Variants in SUMF1 observed in about 807,000 individuals in gnomAD.
SUMF1 encodes sulfatase modifying factor 1.
In SUMF1, 48 loss-of-function variants were observed where a neutral mutation model predicts 47.6. The ratio of observed to expected loss-of-function variants is 1.01; its 90% CI spans 0.80 to 1.28. The LOEUF (loss-of-function observed/expected upper bound fraction) is 1.28. Ranked by LOEUF, SUMF1 falls within the 50% of genes most tolerant of loss-of-function variation. The pLI is 0.00. For missense variants in SUMF1, 571 were observed against 485.4 expected, an observed-to-expected ratio of 1.18 and a Z score of -1.66; for synonymous variants, 230 against 192.1, an observed-to-expected ratio of 1.20 and a Z score of -1.63.
intron 7 of SUMF1, among the ~76,000 whole-genome samples, chr3:4,386,603 T>C (rs934865696): frequency 6.6e-6 from 1 of 152,064 alleles, no homozygotes; most frequent in Non-Finnish European, 1.5e-5. Flanking sequence ...TTCCATTTCT[T>C]ACCTTATTCT....
chr3:4,453,158 C>G lies in SUMF1; in HGVS notation c.271-109G>C, dbSNP rs2125134509. 3.6e-6 allele frequency: 4 copies of G among 1,125,824 alleles called. No individual in the cohort carries two copies. The East Asian group carries it at 1.0e-4, about 29-fold the overall frequency. 69.7% of individuals were successfully genotyped at this position (1,125,824 alleles called of 1,614,324 possible). ...AGCACGCAAGTTTGTAAATCTTCAC[C>G]ACAGTAATAACTGTAAAATTCGGAA... On this transcript the variant is annotated intron_variant, in intron 1 of 8. Coordinates refer to ENST00000272902, the MANE Select transcript of SUMF1 (RefSeq NM_182760.4).
intron 8 of SUMF1, among the ~76,000 whole-genome samples, chr3:4,363,824 A>G (rs1047827877): frequency 4.5e-5 from 6 of 133,018 alleles, no homozygotes; most frequent in African/African-American, 1.7e-4. Context: ...GAATGCTTCC[A>G]GTTTTTGCCC....
intron 8 of SUMF1, among the ~76,000 whole-genome samples, chr3:4,234,808 A>G (rs17040293): frequency 0.023 from 3,577 of 152,266 alleles, 58 homozygotes; most frequent in African/African-American, 0.035. Flanking sequence ...AAAAGCCTAC[A>G]TGACATTCCA....
chr3:4,061,181 T>C (rs764901553), intron 9 of SUMF1, among the ~76,000 whole-genome samples: 2 of 152,174 alleles, frequency 1.3e-5, no homozygotes, highest in African/African-American at 4.8e-5. Flanking sequence ...ACCAGACCAA[T>C]TGTCCCATAG....
rs115010234 is a variant in SUMF1, at chr3:4,344,422, T to C, written c.1014+31908A>G. On this transcript the variant is annotated intron_variant and NMD_transcript_variant, in intron 8 of 12. Transcript: ENST00000448413. Reference sequence around the variant, plus strand: ...AGGCCTGAAATGAACCCCCACCAAATTGCAGCATCCCTACAGAAGAGGGAC... The same window carrying C: ...AGGCCTGAAATGAACCCCCACCAAACTGCAGCATCCCTACAGAAGAGGGAC... Among the ~76,000 whole-genome samples, 736 of 152,102 alleles carry C rather than the reference T, an allele frequency of 4.8e-3. 7 individuals are homozygous for C. The highest frequency in any genetic ancestry group is 0.017 in the African/African-American group (709 of 41,504).
At chr3:4,420,427 G>A (rs1395585728) in intron 3 of SUMF1, among the ~76,000 whole-genome samples, 2 of 134,534 alleles carry the variant, frequency 1.5e-5, no homozygotes, top group Non-Finnish European at 3.1e-5. Flanking sequence ...ATGGAGTCTC[G>A]CTCTGTCGCC....
chr3:4,260,844 A>G (rs757510211), intron 8 of SUMF1, among the ~76,000 whole-genome samples: 1 of 152,164 alleles, frequency 6.6e-6, no homozygotes, highest in African/African-American at 2.4e-5. Flanking sequence ...TAATCCCCAG[A>G]TGGAAGAAGG....
intron 8 of SUMF1, among the ~76,000 whole-genome samples, chr3:4,141,715 T>G (rs890183918): frequency 6.6e-6 from 1 of 152,104 alleles, no homozygotes; most frequent in African/African-American, 2.4e-5. Flanking sequence ...GCTATTGCAC[T>G]TTTATGGCAC....
chr3:4,308,660 G>A (rs1021127100), intron 8 of SUMF1, among the ~76,000 whole-genome samples: 1 of 152,198 alleles, frequency 6.6e-6, no homozygotes, highest in African/African-American at 2.4e-5. Flanking sequence ...TGTGGTTTGT[G>A]TCTCCTTTAG....
intron 8 of SUMF1, among the ~76,000 whole-genome samples, chr3:4,299,115 G>C (rs1323011017): frequency 6.6e-6 from 1 of 152,186 alleles, no homozygotes; most frequent in East Asian, 1.9e-4. Context: ...AGGAAGGATA[G>C]GTACACAACT....
chr3:4,110,680 C>A (rs1202045408), intron 8 of SUMF1, among the ~76,000 whole-genome samples: 1 of 151,878 alleles, frequency 6.6e-6, no homozygotes, highest in African/African-American at 2.4e-5. Flanking sequence ...AGGATGAGTT[C>A]ATGTCCTTTG....
At chr3:4,259,265 A>T (rs1459489635) in intron 8 of SUMF1, among the ~76,000 whole-genome samples, 1 of 152,110 alleles carries the variant, frequency 6.6e-6, no homozygotes, top group Non-Finnish European at 1.5e-5. Flanking sequence ...AAGTATAATA[A>T]AAATAAATAA....
chr3:4,281,726 T>C (rs1421921426), intron 8 of SUMF1, among the ~76,000 whole-genome samples: 1 of 152,126 alleles, frequency 6.6e-6, no homozygotes. Flanking sequence ...TATATGTATT[T>C]ACATGAAACA....
At position 4,410,863 on chromosome 3, in the gene SUMF1, A is replaced by T; in HGVS notation, c.954+2T>A. ...GACACATGCTCTGTGAATAATACTC[A>T]CTGGGTTAAGCGTTTCTTCAACAGA... On this transcript the variant is annotated splice_donor_variant, in intron 7 of 8. Transcript: ENST00000272902. LOFTEE classifies it high-confidence loss of function. The T allele has an allele frequency of 6.2e-7, 1 of 1,613,288 alleles. No individual in the cohort carries two copies. The highest frequency in any genetic ancestry group is 8.5e-7 in the Non-Finnish European group (1 of 1,179,248).
At chr3:4,166,774 C>T (rs750214148) in intron 8 of SUMF1, among the ~76,000 whole-genome samples, 4 of 151,982 alleles carry the variant, frequency 2.6e-5, no homozygotes, top group Admixed American at 1.3e-4. Flanking sequence ...TTTCGGGACC[C>T]GAGAGCTGAA....
At chr3:4,284,566 C>T (rs1242723777) in intron 8 of SUMF1, among the ~76,000 whole-genome samples, 1 of 151,530 alleles carries the variant, frequency 6.6e-6, no homozygotes, top group Non-Finnish European at 1.5e-5. Context: ...GTCTGCATTT[C>T]CCACATGTGA....
At chr3:4,262,672 T>C (rs1382169468) in intron 8 of SUMF1, among the ~76,000 whole-genome samples, 1 of 152,094 alleles carries the variant, frequency 6.6e-6, no homozygotes, top group Non-Finnish European at 1.5e-5. Flanking sequence ...CATGCCTCTT[T>C]CCCAAAAGTT....
rs147257717 is a variant in SUMF1, at chr3:4,066,152, C to G, written c.1191+2417G>C. Among the ~76,000 whole-genome samples the G allele has an allele frequency of 2.6e-5, 4 of 151,994 alleles. No homozygotes were observed. In the East Asian group the frequency reaches 7.7e-4, roughly 29 times the overall value. Reference sequence around the variant, plus strand: ...CATTCAGCACAGTCCATCCCTCCCCCAGCAACACTCCCCCAGGAACCCTCC... The same window carrying G: ...CATTCAGCACAGTCCATCCCTCCCCGAGCAACACTCCCCCAGGAACCCTCC... On this transcript the variant is annotated intron_variant and NMD_transcript_variant, in intron 9 of 12. Transcript: ENST00000448413.
chr3:4,303,547 C>G, intron 8 of SUMF1: 2 of 1,347,936 alleles, frequency 1.5e-6, no homozygotes, highest in Non-Finnish European at 1.9e-6. Flanking sequence ...GGCCAGGCGG[C>G]GCGGGAGGCG....
Sources: gnomAD v4.1 joint callset for allele counts (sites outside exome capture counted in the v4.1 genomes callset) on GRCh38, gnomAD v4.1.1 for gene constraint, MANE v1.5 for transcripts, NCBI Gene and HGNC (gene_info 2026-07-23, HGNC 2026-07-21) for gene names.